MAST3: variants seen among roughly 807,000 people sequenced by gnomAD.
The protein encoded by MAST3 is microtubule associated serine/threonine kinase 3.
MAST3 carries 43 observed loss-of-function variants against 127.0 expected under a neutral mutation model. The ratio of observed to expected loss-of-function variants is 0.34; its 90% confidence interval spans 0.27 to 0.44. The LOEUF (loss-of-function observed/expected upper bound fraction) is 0.44, where lower values mean the gene tolerates loss of function less well. Among genes scored for constraint, MAST3 ranks in the 20% least tolerant of loss-of-function variants. The pLI, the probability that MAST3 is intolerant of heterozygous loss-of-function variation, is 1.00. For synonymous variants in MAST3, 785 were observed against 809.2 expected (o/e 0.97, Z 0.51); for missense variants, 1,390 against 1,919.1 (o/e 0.72, Z 5.15).
At chr19:18,099,429 T>TA (rs929949781) in intron 1 of MAST3, among the ~76,000 whole-genome samples, 2 of 148,992 alleles carry the variant, frequency 1.3e-5, no homozygotes, top group Non-Finnish European at 3.0e-5. Context: ...CGCAGCCTCT[T>TA]AAAATAGAGA....
chr19:18,147,645 C>A (rs749402237), intron 27 of MAST3, 21 bp downstream of exon 27: 3 of 1,500,412 alleles, frequency 2.0e-6, no homozygotes, highest in Non-Finnish European at 1.8e-6. Context: ...CCCGACCCCC[C>A]ACCACCCCGG....
chr19:18,146,337 T>C (rs2043007435), intron 25 of MAST3, among the ~76,000 whole-genome samples: 1 of 152,046 alleles, frequency 6.6e-6, no homozygotes, highest in Non-Finnish European at 1.5e-5. Context: ...CCTAGGTACT[T>C]AGGAGTCTGA....
chr19:18,123,904 C>T (rs542708516), intron 8 of MAST3, 35 bp from the exon 9 acceptor site: 1 of 1,529,054 alleles, frequency 6.5e-7, no homozygotes, highest in East Asian at 2.4e-5. Context: ...CCAGCCCCGC[C>T]CTCTGACCAG....
At chr19:18,118,262 G>A in intron 3 of MAST3, 4 of 985,342 alleles carry the variant, frequency 4.1e-6, no homozygotes, top group Non-Finnish European at 4.8e-6. Context: ...GAGGTAGGGG[G>A]CACGGCGCCG....
rs559028394 is a variant in MAST3 at position 18,133,147 on chromosome 19, G to T, written c.1571+1100G>T. Among the ~76,000 whole-genome samples the T allele has an allele frequency of 2.6e-5, 4 of 151,792 alleles. No individual in the cohort carries two copies. In the South Asian group the frequency reaches 8.3e-4, roughly 32 times the overall value. ...ATGTTTTCAGGGCATTTTGCAGTTGGCAAGTGGCTTAGAAAACAGACATGT... is the reference window on the plus strand; with the variant it reads ...ATGTTTTCAGGGCATTTTGCAGTTGTCAAGTGGCTTAGAAAACAGACATGT... On this transcript the variant is annotated intron_variant, in intron 15 of 27. Coordinates refer to ENST00000687212, the MANE Select transcript of MAST3 (RefSeq NM_001393504.1).
At chr19:18,143,066 C>T (rs1051490482) in intron 21 of MAST3, among the ~76,000 whole-genome samples, 1 of 150,350 alleles carries the variant, frequency 6.7e-6, no homozygotes, top group Non-Finnish European at 1.5e-5. Context: ...GAGCCAAGAT[C>T]GTGCCACTGC....
chr19:18,135,124 T>A, intron 17 of MAST3, 142 bp downstream of exon 17: 1 of 947,782 alleles, frequency 1.1e-6, no homozygotes, highest in Non-Finnish European at 1.6e-6. Context: ...GGGTGCTGAG[T>A]GAGGCGGGTG....
chr19:18,131,060 A>G (rs2041221687), intron 14 of MAST3, among the ~76,000 whole-genome samples: 1 of 152,246 alleles, frequency 6.6e-6, no homozygotes, highest in South Asian at 2.1e-4. Context: ...GAGAGCGAAC[A>G]TGCACTTAGG....
chr19:18,137,510 TC>T, intron 19 of MAST3, 149 bp downstream of exon 19: 2 of 928,854 alleles, frequency 2.2e-6, no homozygotes, highest in Non-Finnish European at 3.2e-6. Flanking sequence ...CTTCCAAGAA[TC>T]TAGGGCGTGT....
Position 18,143,849 on chromosome 19 carries a change from C to T in MAST3, c.2426C>T (p.Thr809Ile). The change falls in exon 22 of 28, where the codon ACC becomes ATC. Residue 809 changes from threonine to isoleucine, a missense_variant. Thr to Ile is a moderately conservative substitution (Grantham distance 89). This residue lies in a region of MAST3 where 816 missense variants were observed against 934.1 expected (regional missense o/e 0.87). Transcript: ENST00000687212. ...GGTCCCAGCCCATCTCTCCTGAATA[C>T]CATCAGCCTGGACACAATGCCCAAG... is the stretch of plus-strand genomic sequence containing the variant. ...ERGPSPSLLN[T>I]ISLDTMPKFA... is the part of the protein sequence containing the mutation. The T allele has an allele frequency of 6.2e-7, 1 of 1,613,946 alleles. No homozygotes were observed. The highest frequency in any genetic ancestry group is 8.5e-7 in the Non-Finnish European group (1 of 1,179,888).
intron 6 of MAST3, among the ~76,000 whole-genome samples, 172 bp downstream of exon 6, chr19:18,122,923 A>C (rs1210877173): frequency 6.6e-6 from 1 of 152,250 alleles, no homozygotes; most frequent in Non-Finnish European, 1.5e-5. Flanking sequence ...GAGAAGACCC[A>C]GCCTTGGCCC....
At chr19:18,125,834 T>C (rs1025251532) in intron 11 of MAST3, among the ~76,000 whole-genome samples, 1 of 150,416 alleles carries the variant, frequency 6.6e-6, no homozygotes, top group Non-Finnish European at 1.5e-5. Flanking sequence ...CTGAGGCGGG[T>C]GGATCACTTG....
chr19:18,121,488 T>C (rs920009552), intron 3 of MAST3, among the ~76,000 whole-genome samples, 197 bp from the exon 4 acceptor site: 1 of 152,218 alleles, frequency 6.6e-6, no homozygotes, highest in Non-Finnish European at 1.5e-5. Context: ...GAATGTTAGT[T>C]GAGGGGTGAT....
At chr19:18,116,003 C>T (rs529317879) in intron 3 of MAST3, among the ~76,000 whole-genome samples, 11 of 152,318 alleles carry the variant, frequency 7.2e-5, no homozygotes, top group African/African-American at 2.4e-4. Flanking sequence ...GCAGCATTAC[C>T]TCCTCTGAGA....
chr19:18,145,096 C>T lies in MAST3; in HGVS notation c.2906C>T (p.Pro969Leu), dbSNP rs751108440. 4.3e-6 allele frequency: 7 copies of T among 1,613,598 alleles called. No individual in the cohort carries two copies. The highest frequency in any genetic ancestry group is 1.6e-4 in the Middle Eastern group (1 of 6,084). ...SSRDSSPSRD[P>L]SPVCGSLRPP... ...CGTGACTCTTCGCCGAGCCGAGACC[C>T]GTCCCCCGTGTGTGGCAGCCTGCGG... The change falls in exon 24 of 28, where the codon CCG (proline) becomes CTG (leucine). Residue 969 changes from proline to leucine, a missense_variant. By Grantham distance (98) the Pro-to-Leu change is moderately conservative (BLOSUM62 -3). Transcript: ENST00000687212. This position sits in a 1 kb window ranked among gnomAD's most constrained non-coding sequence, Gnocchi z 5.9.
chr19:18,104,501 T>G (rs1599654302), intron 1 of MAST3, among the ~76,000 whole-genome samples: 2 of 152,082 alleles, frequency 1.3e-5, no homozygotes, highest in East Asian at 3.9e-4. Flanking sequence ...AGCTGGGTCA[T>G]CCGGCAGCCC....
In MAST3 at chr19:18,147,598, G is replaced by A. The variant is rs199839246; in HGVS notation, c.3482G>A (p.Arg1161Gln). Residue 1161 changes from arginine (R) to glutamine (Q), a missense_variant, in exon 27 of 28, where the codon CGA (arginine) becomes CAA (glutamine). Arg to Gln is a conservative substitution (Grantham distance 43). Around this residue, in one of 5 missense-constraint regions of MAST3, gnomAD observed 816 missense variants for 934.1 expected, o/e 0.87. Coordinates refer to ENST00000687212, the MANE Select transcript of MAST3 (RefSeq NM_001393504.1). ...TCCCCCAGCCCCACCACTCCCTGCC[G>A]AAGCCCAGCCCCTGATGTCCCAGCA... ...SLSPSPTTPC[R>Q]SPAPDVPADT... 3.1e-5 allele frequency: 49 copies of A among 1,556,658 alleles called. No homozygotes were observed. The highest frequency in any genetic ancestry group is 1.1e-4 in the Admixed American group (6 of 52,308).
intron 1 of MAST3, among the ~76,000 whole-genome samples, chr19:18,102,127 A>G (rs11673702): frequency 0.38 from 57,542 of 150,832 alleles, 11,270 homozygotes; most frequent in Admixed American, 0.43. Context: ...TGATCCTCCC[A>G]CCTCGGCCTC....
intron 18 of MAST3, among the ~76,000 whole-genome samples, chr19:18,136,307 G>A (rs73925421): frequency 0.013 from 2,051 of 152,358 alleles, 41 homozygotes; most frequent in African/African-American, 0.047. Context: ...GCAGAAGTGG[G>A]AGAAGCCCGG....
Sources: gnomAD v4.1 joint callset for allele counts (sites outside exome capture counted in the v4.1 genomes callset) on GRCh38, gnomAD v4.1.1 for gene constraint, gnomAD v4.1.1 regional missense constraint, Gnocchi (gnomAD v3.1) non-coding constraint, MANE v1.5 for transcripts, NCBI Gene and HGNC (gene_info 2026-07-23, HGNC 2026-07-21) for gene names.